Variants in CNBD1 observed in about 807,000 individuals in gnomAD.
CNBD1 encodes the protein cyclic nucleotide binding domain containing 1, also known as cyclic nucleotide-binding domain-containing protein 1.
A neutral mutation model predicts 54.4 loss-of-function variants in CNBD1; 71 were observed. The ratio of observed to expected loss-of-function variants is 1.30; its 90% confidence interval spans 1.08 to 1.59. The LOEUF is 1.59. CNBD1 is among the 40% of genes most tolerant of loss of function. CNBD1 has a pLI of 0.00. For synonymous variants in CNBD1, 182 were observed against 170.7 expected (o/e 1.07, Z -0.51); for missense variants, 659 against 518.0 (o/e 1.27, Z -2.64).
At chr8:86,954,897 A>G (rs1007274149) in intron 4 of CNBD1, among the ~76,000 whole-genome samples, 3 of 152,114 alleles carry the variant, frequency 2.0e-5, no homozygotes, top group African/African-American at 4.8e-5. Context: ...GGTTTGTTAC[A>G]TATGTATATA....
chr8:87,052,770 T>C (rs1810336814), intron 4 of CNBD1, among the ~76,000 whole-genome samples: 2 of 152,196 alleles, frequency 1.3e-5, no homozygotes, highest in Non-Finnish European at 2.9e-5. Flanking sequence ...TAGAAGAACA[T>C]AACATCTCTC....
At chr8:87,087,259 A>G (rs975483817) in intron 4 of CNBD1, among the ~76,000 whole-genome samples, 1 of 141,880 alleles carries the variant, frequency 7.0e-6, no homozygotes, top group Non-Finnish European at 1.5e-5. Context: ...ATATATATAT[A>G]TACATATATA....
At chr8:87,204,332 T>C (rs1005416555) in intron 4 of CNBD1, among the ~76,000 whole-genome samples, 1 of 152,204 alleles carries the variant, frequency 6.6e-6, no homozygotes, top group African/African-American at 2.4e-5. Context: ...TCTCTCTTAA[T>C]GGAGGCTACT....
At position 87,361,221 on chromosome 8, in the gene CNBD1, T is replaced by C. The variant is rs186041836; in HGVS notation, c.1303+7435T>C. On this transcript the variant is annotated intron_variant, in intron 10 of 10. Transcript: ENST00000518476. ...TTAAAAGCATCTTCTCCTCTTATAA[T>C]TTGTTATTCCTTACTAATACATGTT... Among the ~76,000 whole-genome samples the C allele has an allele frequency of 3.3e-5, 5 of 152,096 alleles. No homozygotes were observed. In the East Asian group the frequency reaches 9.7e-4, roughly 29 times the overall value.
intron 2 of CNBD1, among the ~76,000 whole-genome samples, chr8:86,894,101 C>T (rs1471935447): frequency 8.9e-6 from 1 of 112,696 alleles, no homozygotes; most frequent in Non-Finnish European, 1.7e-5. Context: ...GTCGCCCAGG[C>T]CGGACTGCGG....
intron 10 of CNBD1, among the ~76,000 whole-genome samples, chr8:87,359,219 A>C (rs183591490): frequency 6.8e-6 from 1 of 146,670 alleles, no homozygotes; most frequent in African/African-American, 2.7e-5. Flanking sequence ...GTGTGTGTAC[A>C]AACATTTTAA....
At chr8:87,418,236 C>T (rs1807868159) in intron 2 of CNBD1, among the ~76,000 whole-genome samples, 1 of 151,928 alleles carries the variant, frequency 6.6e-6, no homozygotes, top group Admixed American at 6.6e-5. Flanking sequence ...AATAAACCCA[C>T]ACATTTATGG....
At chr8:87,361,359 T>C (rs1361113147) in intron 10 of CNBD1, among the ~76,000 whole-genome samples, 1 of 151,748 alleles carries the variant, frequency 6.6e-6, no homozygotes, top group African/African-American at 2.4e-5. Flanking sequence ...AAATGAGCTC[T>C]TAGAAATCAG....
chr8:87,248,547 C>T (rs1428604464), intron 6 of CNBD1, among the ~76,000 whole-genome samples: 1 of 152,172 alleles, frequency 6.6e-6, no homozygotes, highest in African/African-American at 2.4e-5. Context: ...ATACAGGGCG[C>T]TTGATCGCCA....
At chr8:87,309,912 T>C (rs1338613082) in intron 8 of CNBD1, among the ~76,000 whole-genome samples, 1 of 152,156 alleles carries the variant, frequency 6.6e-6, no homozygotes, top group Non-Finnish European at 1.5e-5. Context: ...TCTTCATGGA[T>C]GAAATGATTC....
chr8:86,870,042 T>C (rs1468146857), intron 1 of CNBD1, among the ~76,000 whole-genome samples: 1 of 151,906 alleles, frequency 6.6e-6, no homozygotes, highest in Admixed American at 6.6e-5. Context: ...AAAAAAAAAT[T>C]TCTGTGCTTT....
At chr8:87,341,474 A>G (rs1810062610) in intron 8 of CNBD1, among the ~76,000 whole-genome samples, 1 of 152,198 alleles carries the variant, frequency 6.6e-6, no homozygotes, top group Non-Finnish European at 1.5e-5. Context: ...ACACTATGAC[A>G]AGAGGGTAGT....
rs188069337 is a variant in CNBD1, at chr8:87,051,660, G to A, written c.431+111906G>A. Among the ~76,000 whole-genome samples, 46 of 152,330 alleles carry A rather than the reference G, an allele frequency of 3.0e-4. No individual in the cohort carries two copies. In the East Asian group the frequency reaches 7.3e-3, roughly 24 times the overall value. ...GGCTAGTAATCTGCAGCAGGAGCAT[G>A]TCCTTAAGGCACAGATCGCTCATGC... is the stretch of plus-strand genomic sequence containing the variant. On this transcript the variant is annotated intron_variant, in intron 4 of 10. Transcript: ENST00000518476.
intron 10 of CNBD1, among the ~76,000 whole-genome samples, chr8:87,373,477 T>A (rs1185747740): frequency 3.3e-5 from 5 of 152,022 alleles, no homozygotes; most frequent in Non-Finnish European, 5.9e-5. Flanking sequence ...TAAGTTTTAA[T>A]TCTTAACATT....
At chr8:87,178,542 T>G (rs540870810) in intron 4 of CNBD1, among the ~76,000 whole-genome samples, 14 of 152,304 alleles carry the variant, frequency 9.2e-5, no homozygotes, top group African/African-American at 3.4e-4. Flanking sequence ...GTCGGAGAGA[T>G]AGTTTGGCCC....
intron 4 of CNBD1, among the ~76,000 whole-genome samples, chr8:86,984,838 A>G (rs1479773707): frequency 6.6e-6 from 1 of 152,200 alleles, no homozygotes; most frequent in Non-Finnish European, 1.5e-5. Context: ...CCCTTGTCTC[A>G]AGTGAGACTT....
intron 10 of CNBD1, among the ~76,000 whole-genome samples, chr8:87,364,636 C>A (rs1323713427): frequency 2.0e-5 from 3 of 151,914 alleles, no homozygotes; most frequent in African/African-American, 7.3e-5. Context: ...GATCCTCTCT[C>A]TCTTCCCACC....
chr8:87,168,259 T>C (rs1013603993), intron 4 of CNBD1, among the ~76,000 whole-genome samples: 18 of 152,008 alleles, frequency 1.2e-4, no homozygotes, highest in African/African-American at 4.1e-4. Context: ...TAAAGTATGA[T>C]TGCGTATCTA....
chr8:87,108,253 T>C (rs73693029), intron 4 of CNBD1, among the ~76,000 whole-genome samples: 6,113 of 152,208 alleles, frequency 0.04, 410 homozygotes, highest in African/African-American at 0.14. Context: ...CTATTGAATA[T>C]TCTTAAAGTG....
Sources: allele counts gnomAD v4.1 joint callset (sites outside exome capture counted in the v4.1 genomes callset), GRCh38; gene constraint gnomAD v4.1.1; transcripts MANE v1.5; gene names NCBI Gene and HGNC (gene_info 2026-07-23, HGNC 2026-07-21).